NKAIN3: variants seen among roughly 807,000 people sequenced by gnomAD.
NKAIN3 encodes sodium/potassium-transporting ATPase subunit beta-1-interacting protein 3.
NKAIN3 carries 25 observed loss-of-function variants against 30.2 expected under a neutral mutation model. That is an observed-to-expected ratio of 0.83 (90% CI 0.60 to 1.16). NKAIN3 has a LOEUF of 1.16. NKAIN3 is among the 50% of genes most tolerant of loss of function. NKAIN3 has a pLI of 0.00. For synonymous variants in NKAIN3, 91 were observed against 89.6 expected (o/e 1.02, Z -0.09); for missense variants, 225 against 254.1 (o/e 0.89, Z 0.78).
intron 1 of NKAIN3, among the ~76,000 whole-genome samples, chr8:62,283,280 AT>A (rs11337110): frequency 0.65 from 97,593 of 150,378 alleles, 31,710 homozygotes; most frequent in African/African-American, 0.72. Flanking sequence ...TTACGTGGCT[AT>A]TTTTTTTTTT....
At chr8:62,510,931 G>T (rs1016465266) in intron 1 of NKAIN3, among the ~76,000 whole-genome samples, 2 of 152,008 alleles carry the variant, frequency 1.3e-5, no homozygotes, top group Non-Finnish European at 2.9e-5. Context: ...TCGTTTGCTG[G>T]TGTCTGCCCT....
chr8:62,470,556 T>C (rs1284109970), intron 1 of NKAIN3, among the ~76,000 whole-genome samples: 1 of 152,122 alleles, frequency 6.6e-6, no homozygotes, highest in Non-Finnish European at 1.5e-5. Flanking sequence ...GACACTAAAT[T>C]AAGTCAACAT....
chr8:62,526,478 C>T (rs1808307512), intron 1 of NKAIN3, among the ~76,000 whole-genome samples: 1 of 152,116 alleles, frequency 6.6e-6, no homozygotes, highest in Non-Finnish European at 1.5e-5. Context: ...GGATATTATA[C>T]ATCTATTTAC....
chr8:62,865,811 C>CT (rs765961495), intron 4 of NKAIN3, among the ~76,000 whole-genome samples: 2 of 152,184 alleles, frequency 1.3e-5, no homozygotes, highest in Admixed American at 6.5e-5. Context: ...GTAAATGTTA[C>CT]TTTCCATTAA....
chr8:62,437,454 T>C (rs1268705273), intron 1 of NKAIN3, among the ~76,000 whole-genome samples: 1 of 152,198 alleles, frequency 6.6e-6, no homozygotes, highest in Non-Finnish European at 1.5e-5. Flanking sequence ...AATGCCTCCA[T>C]TTTAGCTACA....
At chr8:62,817,507 T>A (rs1432204678) in intron 4 of NKAIN3, among the ~76,000 whole-genome samples, 2 of 152,148 alleles carry the variant, frequency 1.3e-5, no homozygotes, top group African/African-American at 4.8e-5. Context: ...GACTCTAGGC[T>A]TTCAGTTGAG....
At chr8:62,509,947 A>G (rs1180190589) in intron 1 of NKAIN3, among the ~76,000 whole-genome samples, 2 of 152,186 alleles carry the variant, frequency 1.3e-5, no homozygotes, top group African/African-American at 4.8e-5. Flanking sequence ...GGACATGTGC[A>G]TAAATATGTA....
intron 1 of NKAIN3, among the ~76,000 whole-genome samples, chr8:62,511,036 A>G (rs550624557): frequency 1.3e-5 from 2 of 152,178 alleles, no homozygotes; most frequent in Admixed American, 6.5e-5. Flanking sequence ...CAACAACTTG[A>G]TACACATTGC....
At chr8:62,379,677 A>C (rs992149954) in intron 1 of NKAIN3, among the ~76,000 whole-genome samples, 1 of 148,488 alleles carries the variant, frequency 6.7e-6, no homozygotes, top group Middle Eastern at 3.4e-3. Context: ...TATGACTGTA[A>C]GTTTCCTGAG....
At chr8:62,617,360 C>T (rs539501872) in intron 3 of NKAIN3, among the ~76,000 whole-genome samples, 8 of 152,276 alleles carry the variant, frequency 5.3e-5, no homozygotes, top group South Asian at 2.1e-4. Flanking sequence ...CAGATATGTA[C>T]GTTTTTATTA....
At chr8:62,305,034 G>A (rs907361879) in intron 1 of NKAIN3, among the ~76,000 whole-genome samples, 4 of 150,494 alleles carry the variant, frequency 2.7e-5, no homozygotes, top group Non-Finnish European at 5.9e-5. Flanking sequence ...TTATCAGCTG[G>A]TTTAAAGATC....
intron 3 of NKAIN3, among the ~76,000 whole-genome samples, chr8:62,624,384 T>C (rs1811725373): frequency 6.7e-6 from 1 of 149,844 alleles, no homozygotes; most frequent in African/African-American, 2.4e-5. Context: ...TAGGTTGGTA[T>C]TTTTTTTTTC....
intron 1 of NKAIN3, among the ~76,000 whole-genome samples, chr8:62,463,641 C>T (rs964771858): frequency 6.6e-6 from 1 of 152,056 alleles, no homozygotes. Flanking sequence ...TTTTCTTTTG[C>T]TTTGTGTGTA....
At chr8:62,863,491 C>T in intron 4 of NKAIN3, 1 of 1,540,828 alleles carries the variant, frequency 6.5e-7, no homozygotes, top group Non-Finnish European at 8.9e-7. Context: ...CTTCAGACAA[C>T]GTACTGGGTG....
At chr8:62,800,894 A>T (rs903388066) in intron 4 of NKAIN3, among the ~76,000 whole-genome samples, 10 of 152,226 alleles carry the variant, frequency 6.6e-5, no homozygotes, top group African/African-American at 2.2e-4. Context: ...GCACCTGGAA[A>T]ATCGGGTCAC....
intron 4 of NKAIN3, among the ~76,000 whole-genome samples, chr8:62,792,529 G>GGATATAAGTTGTGTCTGGTGCTTTC: frequency 7.3e-5 from 7 of 96,216 alleles, no homozygotes; most frequent in Admixed American, 1.1e-4. Flanking sequence ...TGGAGACATT[G>GGATATAAGTTGTGTCTGGTGCTTTC]AAATGGAGAG....
chr8:62,993,430 A>G (rs1804021248), intron 5 of NKAIN3, among the ~76,000 whole-genome samples: 1 of 152,236 alleles, frequency 6.6e-6, no homozygotes, highest in Non-Finnish European at 1.5e-5. Flanking sequence ...AAGTTTCCAT[A>G]GAATAATAGT....
intron 1 of NKAIN3, among the ~76,000 whole-genome samples, chr8:62,558,341 T>G (rs1017742676): frequency 6.6e-6 from 1 of 152,188 alleles, no homozygotes; most frequent in Non-Finnish European, 1.5e-5. Flanking sequence ...TCAGGTAATG[T>G]GATGCCTCCA....
At chr8:62,781,008 A>T (rs1817339303) in intron 4 of NKAIN3, among the ~76,000 whole-genome samples, 1 of 151,952 alleles carries the variant, frequency 6.6e-6, no homozygotes, top group Non-Finnish European at 1.5e-5. Context: ...CCTCTTTGCA[A>T]ATAACCTCAT....
Sources: gnomAD v4.1 joint callset for allele counts (sites outside exome capture counted in the v4.1 genomes callset) on GRCh38, gnomAD v4.1.1 for gene constraint, MANE v1.5 for transcripts, NCBI Gene and HGNC (gene_info 2026-07-23, HGNC 2026-07-21) for gene names.